ATP10B: variants seen among roughly 807,000 people sequenced by gnomAD.
ATP10B encodes the protein ATPase phospholipid transporting 10B (putative).
ATP10B carries 122 observed loss-of-function variants against 141.2 expected under a neutral mutation model. That is an observed-to-expected ratio of 0.86 (90% CI 0.75 to 1.00). ATP10B has a LOEUF of 1.00. Among genes scored for constraint, ATP10B ranks in the 50% least tolerant of loss-of-function variants. ATP10B has a pLI of 0.00. For synonymous variants in ATP10B, 685 were observed against 692.0 expected (o/e 0.99, Z 0.16); for missense variants, 1,876 against 1,825.3 (o/e 1.03, Z -0.51).
intron 6 of ATP10B, among the ~76,000 whole-genome samples, chr5:160,678,769 G>A (rs1015289980): frequency 4.6e-5 from 7 of 152,074 alleles, no homozygotes; most frequent in Admixed American, 1.3e-4. Flanking sequence ...GGCTAGTATC[G>A]GCCCCATTTT....
At chr5:160,783,522 G>T (rs1581524525) in intron 2 of ATP10B, among the ~76,000 whole-genome samples, 10 of 125,556 alleles carry the variant, frequency 8.0e-5, no homozygotes, top group East Asian at 2.3e-4. Context: ...TATATATATG[G>T]GTGATATATA....
intron 1 of ATP10B, among the ~76,000 whole-genome samples, chr5:160,794,210 G>A (rs527814982): frequency 3.9e-5 from 6 of 152,098 alleles, no homozygotes; most frequent in Non-Finnish European, 7.4e-5. Flanking sequence ...AGACAATGTC[G>A]CTGCTTGTAA....
chr5:160,858,048 ATTTTTT>A, the ATP10B span, among the ~76,000 whole-genome samples: 1 of 151,778 alleles, frequency 6.6e-6, no homozygotes, highest in Non-Finnish European at 1.5e-5. Context: ...TTTATATTCG[ATTTTTT>A]ATTTTTTAAA....
intron 24 of ATP10B, among the ~76,000 whole-genome samples, chr5:160,588,571 T>G (rs1375865049): frequency 6.6e-6 from 1 of 152,210 alleles, no homozygotes; most frequent in African/African-American, 2.4e-5. Flanking sequence ...CTACTTACAC[T>G]ATTAGCATGG....
chr5:160,653,562 A>G (rs570515233), intron 7 of ATP10B, among the ~76,000 whole-genome samples: 1 of 120,096 alleles, frequency 8.3e-6, no homozygotes, highest in Non-Finnish European at 1.6e-5. Flanking sequence ...ATATACATAT[A>G]TATTACATAT....
At chr5:160,680,166 A>G (rs1763281880) in intron 6 of ATP10B, among the ~76,000 whole-genome samples, 1 of 152,124 alleles carries the variant, frequency 6.6e-6, no homozygotes, top group Non-Finnish European at 1.5e-5. Flanking sequence ...GCAAAATTCC[A>G]AGGGCTCTAG....
chr5:160,789,415 C>T (rs1395459360), intron 1 of ATP10B, among the ~76,000 whole-genome samples: 1 of 152,126 alleles, frequency 6.6e-6, no homozygotes, highest in South Asian at 2.1e-4. Flanking sequence ...GACTAGACTA[C>T]AAACCTGTAC....
At chr5:160,839,717 G>T (rs1775698730) in intron 1 of ATP10B, among the ~76,000 whole-genome samples, 1 of 152,010 alleles carries the variant, frequency 6.6e-6, no homozygotes, top group Non-Finnish European at 1.5e-5. Flanking sequence ...TCAACTCTAT[G>T]TTGTATATAA....
upstream of ATP10B, among the ~76,000 whole-genome samples, chr5:160,853,055 C>T (rs1057395035): frequency 6.6e-6 from 1 of 151,948 alleles, no homozygotes. Context: ...ATCAGAATAC[C>T]AAGAAGAAAC....
At chr5:160,614,994 C>A (rs1449553435) in intron 17 of ATP10B, among the ~76,000 whole-genome samples, 7 of 152,230 alleles carry the variant, frequency 4.6e-5, no homozygotes, top group African/African-American at 1.7e-4. Flanking sequence ...TGCTTCTTGG[C>A]AATGCCTTTC....
At chr5:160,908,253 C>T in the ATP10B span, among the ~76,000 whole-genome samples, 5 of 152,194 alleles carry the variant, frequency 3.3e-5, no homozygotes, top group South Asian at 2.1e-4. Context: ...CCCAAGTCCT[C>T]GCCTGGTTCT....
At chr5:160,628,335 T>A (rs1305966439) in intron 13 of ATP10B, among the ~76,000 whole-genome samples, 1 of 152,178 alleles carries the variant, frequency 6.6e-6, no homozygotes. Flanking sequence ...GGAGTACAGA[T>A]AGGCTTCACT....
At chr5:160,860,248 G>A in the ATP10B span, among the ~76,000 whole-genome samples, 1 of 151,900 alleles carries the variant, frequency 6.6e-6, no homozygotes, top group South Asian at 2.1e-4. Flanking sequence ...ATGTACAAAT[G>A]TATAAAGTAG....
At chr5:160,644,009 G>T in intron 9 of ATP10B, 129 bp downstream of exon 9, 1 of 728,410 alleles carries the variant, frequency 1.4e-6, no homozygotes, top group Non-Finnish European at 2.4e-6. Context: ...GCTTAGTTGA[G>T]AAATGGGAAG....
At chr5:160,836,941 C>T (rs999352660) in intron 1 of ATP10B, among the ~76,000 whole-genome samples, 4 of 152,046 alleles carry the variant, frequency 2.6e-5, no homozygotes, top group African/African-American at 7.2e-5. Flanking sequence ...CTTGCTCAAG[C>T]CAAAAATGTA....
the ATP10B span, among the ~76,000 whole-genome samples, chr5:160,857,329 A>C: frequency 2.0e-5 from 3 of 150,388 alleles, no homozygotes; most frequent in African/African-American, 7.3e-5. Flanking sequence ...TTTTGTCTAG[A>C]GTTGTCTATA....
intron 1 of ATP10B, among the ~76,000 whole-genome samples, chr5:160,797,175 T>C (rs1772006772): frequency 6.6e-6 from 1 of 152,154 alleles, no homozygotes; most frequent in Non-Finnish European, 1.5e-5. Context: ...GCATCTTCCC[T>C]GATTGCCTTG....
intron 1 of ATP10B, among the ~76,000 whole-genome samples, chr5:160,809,066 T>G (rs879373868): frequency 6.6e-6 from 1 of 152,196 alleles, no homozygotes; most frequent in Non-Finnish European, 1.5e-5. Flanking sequence ...AAATTCCCCA[T>G]TTTTACAAGG....
intron 17 of ATP10B, chr5:160,613,952 A>T (rs1264070969): frequency 1.3e-5 from 2 of 152,282 alleles, no homozygotes; most frequent in Middle Eastern, 3.4e-3. Flanking sequence ...ATAGGTTGGC[A>T]AAGTGGTTAC....
Sources: gnomAD v4.1 joint callset for allele counts (sites outside exome capture counted in the v4.1 genomes callset) on GRCh38, gnomAD v4.1.1 for gene constraint, MANE v1.5 for transcripts, NCBI Gene and HGNC (gene_info 2026-07-23, HGNC 2026-07-21) for gene names.